HSPD1: variants seen among roughly 807,000 people sequenced by gnomAD.
HSPD1 encodes the protein 60 kDa heat shock protein, mitochondrial.
HSPD1 carries 3 observed loss-of-function variants against 53.0 expected under a neutral mutation model. The observed-to-expected ratio is 0.06, with a 90% CI of 0.03 to 0.15. The LOEUF (loss-of-function observed/expected upper bound fraction) is 0.15, where lower values mean the gene tolerates loss of function less well. Among genes scored for constraint, HSPD1 ranks in the 10% least tolerant of loss-of-function variants. The pLI is 1.00. For synonymous variants in HSPD1, 200 were observed against 228.0 expected (o/e 0.88, Z 1.10); for missense variants, 431 against 694.1 (o/e 0.62, Z 4.26).
At position 197,494,770 on chromosome 2, in the gene HSPD1, C is replaced by T. The variant is rs765859683; in HGVS notation, c.511-18G>A. 7 of 1,551,064 alleles carry T rather than the reference C, an allele frequency of 4.5e-6. No homozygotes were observed. In the African/African-American group the frequency reaches 8.1e-5, roughly 18 times the overall value. ...GTAGCAACCTGAAATAATCCAGTTA[C>T]TCTTCGAAATTAAAAGGTAAGCCTA... On this transcript the variant is annotated intron_variant, in intron 4 of 11. Transcript: ENST00000388968.
chr2:197,499,907 G>C (rs886055390), upstream of HSPD1: 5 of 153,758 alleles, frequency 3.3e-5, no homozygotes, highest in East Asian at 9.6e-4. Context: ...CCCGCCCCGC[G>C]GCACCGCGTG....
intron 7 of HSPD1, among the ~76,000 whole-genome samples, chr2:197,490,763 G>T (rs2086081774): frequency 6.6e-6 from 1 of 152,202 alleles, no homozygotes; most frequent in South Asian, 2.1e-4. Context: ...GTAAGTTATA[G>T]GATACAGTGA....
chr2:197,491,177 CT>C (rs1196099992), intron 7 of HSPD1, among the ~76,000 whole-genome samples: 14 of 147,488 alleles, frequency 9.5e-5, no homozygotes, highest in Non-Finnish European at 1.9e-4. Flanking sequence ...GGCCTCAAGT[CT>C]TTTTTTTGTG....
At chr2:197,494,993 T>C (rs1050010741) in intron 4 of HSPD1, 2 of 598,188 alleles carry the variant, frequency 3.3e-6, no homozygotes, top group South Asian at 4.1e-5. Flanking sequence ...AGTTTAAAAA[T>C]GCTGACTTCA....
chr2:197,489,387 A>G (rs1161315995), intron 8 of HSPD1, 140 bp from the exon 9 acceptor site: 2 of 875,910 alleles, frequency 2.3e-6, no homozygotes, highest in African/African-American at 3.4e-5. Context: ...CTGTTAGTCC[A>G]GAACAAGACT....
intron 3 of HSPD1, among the ~76,000 whole-genome samples, chr2:197,496,371 A>G (rs2086156968): frequency 1.3e-5 from 2 of 152,288 alleles, no homozygotes; most frequent in South Asian, 4.1e-4. Flanking sequence ...GCCCATAAAC[A>G]CTGAAATAGA....
chr2:197,489,130 C>G lies in HSPD1; in HGVS notation c.1087G>C (p.Asp363His). The G allele has an allele frequency of 7.4e-6, 12 of 1,614,096 alleles. No homozygotes were observed. The highest frequency in any genetic ancestry group is 1.0e-5 in the Non-Finnish European group (12 of 1,179,990). Residue 363 changes from aspartate (D) to histidine (H), a missense_variant, in exon 9 of 12, where the codon GAC becomes CAC. Physicochemically the swap from Asp to His is moderately conservative, Grantham distance 81. Coordinates refer to ENST00000388968, the MANE Select transcript of HSPD1 (RefSeq NM_002156.5). ...DDAMLLKGKGDKAQIEKRIQE... is the reference protein window; with the variant it reads ...DDAMLLKGKGHKAQIEKRIQE... ...ATACGTTTTTCAATTTGAGCCTTGT[C>G]ACCTTTTCCTTTTAAGAGCATGGCA... is the stretch of plus-strand genomic sequence containing the variant.
intron 5 of HSPD1, 33 bp downstream of exon 5, chr2:197,494,624 C>T: frequency 7.4e-7 from 1 of 1,349,714 alleles, no homozygotes; most frequent in South Asian, 1.2e-5. Flanking sequence ...TAAGATAACT[C>T]AAAATTATCT....
chr2:197,492,924 T>C (rs866331300), intron 7 of HSPD1, among the ~76,000 whole-genome samples: 1 of 150,928 alleles, frequency 6.6e-6, no homozygotes, highest in Non-Finnish European at 1.5e-5. Flanking sequence ...GCAGAACTGT[T>C]TGAACCTAGG....
At chr2:197,490,348 G>T in intron 7 of HSPD1, 52 bp from the exon 8 acceptor site, 1 of 1,336,348 alleles carries the variant, frequency 7.5e-7, no homozygotes, top group Non-Finnish European at 1.1e-6. Flanking sequence ...ATGCCTATCT[G>T]TTTAATTCCC....
intron 4 of HSPD1, 143 bp downstream of exon 4, chr2:197,495,151 G>C (rs74599649): frequency 3.0e-6 from 2 of 668,012 alleles, no homozygotes; most frequent in East Asian, 2.7e-5. Flanking sequence ...TCTTTTCAAA[G>C]GTTTTAGCAG....
At position 197,493,644 on chromosome 2, in the gene HSPD1, A is replaced by G. The variant is rs2086121057; in HGVS notation, c.701-152T>C. 4 of 659,822 alleles carry G rather than the reference A, an allele frequency of 6.1e-6. No homozygotes were observed. In the Admixed American group the frequency reaches 1.0e-4, roughly 17 times the overall value. The allele number at this position is 659,822 out of a possible 1,614,324, so 40.9% of individuals were successfully genotyped here. A position where few individuals can be genotyped will look rare whatever the true frequency, so the allele number is the denominator to read the frequency against. On this transcript the variant is annotated intron_variant, in intron 6 of 11. Coordinates refer to ENST00000388968, the MANE Select transcript of HSPD1 (RefSeq NM_002156.5). ...TCATATGCATTAACTTTTGGAATAT[A>G]TACATTTATTTTTTAGAGGATGACA...
rs777660680 is a variant in HSPD1 at position 197,495,083 on chromosome 2, T to C, written c.510+211A>G. The C allele has an allele frequency of 4.9e-6, 3 of 612,190 alleles. No individual in the cohort carries two copies. In the South Asian group the frequency reaches 6.1e-5, roughly 12 times the overall value. 37.9% of individuals were successfully genotyped at this position (612,190 alleles called of 1,614,324 possible). On this transcript the variant is annotated intron_variant, in intron 4 of 11. Coordinates refer to ENST00000388968, the MANE Select transcript of HSPD1 (RefSeq NM_002156.5). ...ATCATATGAATCCATTTTACAGCCA[T>C]GTAGAACTAAAATGACAACCACATG...
In HSPD1 at chr2:197,487,336, T is replaced by C. The variant is rs185013131; in HGVS notation, c.1570-138A>G. On this transcript the variant is annotated intron_variant, in intron 11 of 11. Coordinates refer to ENST00000388968, the MANE Select transcript of HSPD1 (RefSeq NM_002156.5). ...CTGAGGCAGGTAGATGACTTGAGGT[T>C]AGGAGTTCAAGACCAGCCTGGCCAA... The C allele has an allele frequency of 1.2e-3, 926 of 753,974 alleles. 6 individuals carry two copies. In the African/African-American group the frequency reaches 0.013, roughly 10 times the overall value. The allele number at this position is 753,974 out of a possible 1,614,324, so 46.7% of individuals were successfully genotyped here.
chr2:197,493,532 G>A, intron 6 of HSPD1, 40 bp from the exon 7 acceptor site: 1 of 1,418,264 alleles, frequency 7.1e-7, no homozygotes, highest in Middle Eastern at 1.8e-4. Flanking sequence ...TACAAAAAAT[G>A]ACTGCAATAC....
intron 7 of HSPD1, 181 bp from the exon 8 acceptor site, chr2:197,490,477 A>T: frequency 4.9e-6 from 3 of 610,120 alleles, no homozygotes; most frequent in Non-Finnish European, 8.7e-6. Context: ...GAAGTATCTG[A>T]GACAGTTTAG....
chr2:197,488,527 T>A, intron 9 of HSPD1, 36 bp from the exon 10 acceptor site: 1 of 1,578,118 alleles, frequency 6.3e-7, no homozygotes, highest in Non-Finnish European at 8.7e-7. Context: ...GTATGGCCTC[T>A]TCATTCAAGA....
At position 197,495,358 on chromosome 2, in the gene HSPD1, T is replaced by C; in HGVS notation, c.446A>G (p.Asp149Gly). 1.9e-6 allele frequency: 3 copies of C among 1,607,392 alleles called. No individual in the cohort carries two copies. The highest frequency in any genetic ancestry group is 2.6e-6 in the Non-Finnish European group (3 of 1,173,894). ...EIRRGVMLAVDAVIAELKKQS... is the reference protein window; with the variant it reads ...EIRRGVMLAVGAVIAELKKQS... ...CTTTTTAAGTTCAGCAATTACAGCA[T>C]CAACAGCTAACATCACACCTAGTTC... is the stretch of plus-strand genomic sequence containing the variant. Residue 149 changes from aspartate to glycine, a missense_variant, in exon 4 of 12, where the codon GAT becomes GGT. Physicochemically the swap from Asp to Gly is moderately conservative, Grantham distance 94 (BLOSUM62 -1). This residue lies in a region of HSPD1 where 386 missense variants were observed against 657.6 expected (regional missense o/e 0.59). Transcript: ENST00000388968.
At chr2:197,489,685 C>T (rs938965955) in intron 8 of HSPD1, among the ~76,000 whole-genome samples, 5 of 151,880 alleles carry the variant, frequency 3.3e-5, no homozygotes, top group Admixed American at 6.6e-5. Flanking sequence ...CAGTGAGACC[C>T]GTCATTACTA....
Sources: gnomAD v4.1 joint callset for allele counts (sites outside exome capture counted in the v4.1 genomes callset) on GRCh38, gnomAD v4.1.1 for gene constraint, gnomAD v4.1.1 regional missense constraint, MANE v1.5 for transcripts, NCBI Gene and HGNC (gene_info 2026-07-23, HGNC 2026-07-21) for gene names.